Variants in AADACL2 observed in about 807,000 individuals in gnomAD.
The protein encoded by AADACL2 is arylacetamide deacetylase-like 2.
In AADACL2, 23 loss-of-function variants were observed where a neutral mutation model predicts 22.3. The observed-to-expected ratio is 1.03, with a 90% confidence interval of 0.74 to 1.46. The LOEUF is 1.46. Ranked by LOEUF, AADACL2 falls within the 40% of genes most tolerant of loss-of-function variation. AADACL2 has a pLI of 0.00. For synonymous variants in AADACL2, 177 were observed against 166.2 expected (o/e 1.07, Z -0.50); for missense variants, 472 against 482.9 (o/e 0.98, Z 0.21).
At chr3:151,741,361 T>C (rs999804525) in intron 2 of AADACL2, among the ~76,000 whole-genome samples, 8 of 152,124 alleles carry the variant, frequency 5.3e-5, no homozygotes, top group African/African-American at 1.9e-4. Context: ...AATAGTACTA[T>C]GTAATAATAA....
chr3:151,738,512 T>TGTATTTCCTGAATTTGAATGTTGGCCTG (rs1713168311), intron 1 of AADACL2, among the ~76,000 whole-genome samples: 1 of 152,222 alleles, frequency 6.6e-6, no homozygotes, highest in Admixed American at 6.5e-5. Context: ...TGGTGTTCTC[T>TGTATTTCCTGAATTTGAATGTTGGCCTG]GTATTTCCTG....
chr3:151,735,304 T>C (rs1053584971), intron 1 of AADACL2, among the ~76,000 whole-genome samples: 2 of 152,360 alleles, frequency 1.3e-5, no homozygotes, highest in Non-Finnish European at 2.9e-5. Context: ...TGAAGTATTA[T>C]TATTACTGTC....
chr3:151,751,244 T>C (rs1414941399), intron 4 of AADACL2, among the ~76,000 whole-genome samples: 1 of 152,196 alleles, frequency 6.6e-6, no homozygotes, highest in Non-Finnish European at 1.5e-5. Context: ...TAAAATTGCA[T>C]AGCAGTCTGG....
At chr3:151,735,362 A>G (rs561125368) in intron 1 of AADACL2, among the ~76,000 whole-genome samples, 64 of 152,354 alleles carry the variant, frequency 4.2e-4, no homozygotes, top group African/African-American at 1.4e-3. Context: ...CTCAATGTCT[A>G]TCAGCTAGTA....
At chr3:151,734,840 G>C (rs139301387) in intron 1 of AADACL2, among the ~76,000 whole-genome samples, 20 of 152,238 alleles carry the variant, frequency 1.3e-4, no homozygotes, top group African/African-American at 4.3e-4. Flanking sequence ...AAGAGATTGA[G>C]AAGAACATAT....
At chr3:151,755,935 G>T (rs1713884177) in intron 4 of AADACL2, among the ~76,000 whole-genome samples, 1 of 152,050 alleles carries the variant, frequency 6.6e-6, no homozygotes, top group African/African-American at 2.4e-5. Flanking sequence ...AGATAACTTT[G>T]TTTTGGCTCA....
chr3:151,751,289 T>C (rs907503348), intron 4 of AADACL2, among the ~76,000 whole-genome samples: 2 of 152,194 alleles, frequency 1.3e-5, no homozygotes, highest in Non-Finnish European at 2.9e-5. Flanking sequence ...TTGGGGAATG[T>C]AGAGATTCTG....
intron 4 of AADACL2, among the ~76,000 whole-genome samples, chr3:151,746,542 T>C (rs1713453771): frequency 6.6e-6 from 1 of 152,004 alleles, no homozygotes; most frequent in South Asian, 2.1e-4. Context: ...AGGAAATTTT[T>C]CAATATTTCA....
At chr3:151,743,781 C>T (rs575375692) in intron 2 of AADACL2, among the ~76,000 whole-genome samples, 18 of 152,022 alleles carry the variant, frequency 1.2e-4, no homozygotes, top group Non-Finnish European at 2.4e-4. Flanking sequence ...ACAAAGGGTC[C>T]TGGGAAGGGT....
intron 2 of AADACL2, among the ~76,000 whole-genome samples, chr3:151,743,489 A>C (rs993182165): frequency 1.1e-4 from 16 of 152,116 alleles, no homozygotes; most frequent in Admixed American, 7.9e-4. Flanking sequence ...GTCAAAACTC[A>C]TATGTATATC....
Position 151,760,603 on chromosome 3 carries a change from A to C in AADACL2, c.*3009A>C, listed in dbSNP as rs1040428992. On this transcript the variant is annotated 3_prime_UTR_variant, in exon 5 of 5. Transcript: ENST00000356517. ...TTCTGACACATATATCTAACATGTA[A>C]AGAAGTAACAATTTCCAAAATACCT... 5.3e-5 allele frequency: 8 copies of C among 152,286 alleles called. No homozygotes were observed. The highest frequency in any genetic ancestry group is 1.9e-4 in the African/African-American group (8 of 41,438). The allele number at this position is 152,286 out of a possible 1,614,324, so 9.4% of individuals were successfully genotyped here.
intron 4 of AADACL2, among the ~76,000 whole-genome samples, chr3:151,753,327 A>G (rs1713744477): frequency 6.6e-6 from 1 of 152,098 alleles, no homozygotes; most frequent in Admixed American, 6.6e-5. Context: ...ATAAAGTGGG[A>G]AGTGGGATTT....
Position 151,745,680 on chromosome 3 carries a change from G to A in AADACL2, c.603G>A (p.Gln201=), listed in dbSNP as rs1291569231. 1.3e-5 allele frequency: 20 copies of A among 1,584,644 alleles called. No homozygotes were observed. Among genetic ancestry groups the A allele is most frequent in the Admixed American group, 1.9e-5 (1 of 53,212 alleles). ...ATTTAGCAACAGCGGTCACTCAACA[G>A]GTACATTATATTTGTTTTTATGATA... ...GGNLATAVTQ[Q]VQNDAEIKHK... Residue 201 remains glutamine (Q), a splice_region_variant and synonymous_variant, in exon 4 of 5, where the codon CAG becomes CAA. Transcript: ENST00000356517.
chr3:151,747,397 A>G (rs1359488638), intron 4 of AADACL2, among the ~76,000 whole-genome samples: 1 of 151,926 alleles, frequency 6.6e-6, no homozygotes, highest in Non-Finnish European at 1.5e-5. Flanking sequence ...TGTTCTCCCC[A>G]TCTCCATCCC....
At chr3:151,737,272 G>A (rs1713117200) in intron 1 of AADACL2, among the ~76,000 whole-genome samples, 1 of 151,920 alleles carries the variant, frequency 6.6e-6, no homozygotes, top group African/African-American at 2.4e-5. Flanking sequence ...CTGAGATTTT[G>A]AGTGAGTTTC....
At chr3:151,737,838 CTA>C (rs1422259712) in intron 1 of AADACL2, among the ~76,000 whole-genome samples, 1 of 151,968 alleles carries the variant, frequency 6.6e-6, no homozygotes, top group African/African-American at 2.4e-5. Flanking sequence ...TATTTTGAGC[CTA>C]TGTGTGTCTT....
At chr3:151,736,901 C>T (rs1713107535) in intron 1 of AADACL2, among the ~76,000 whole-genome samples, 1 of 152,188 alleles carries the variant, frequency 6.6e-6, no homozygotes, top group African/African-American at 2.4e-5. Context: ...AATTGCCACA[C>T]TGTATTTCAC....
intron 4 of AADACL2, among the ~76,000 whole-genome samples, chr3:151,749,439 G>A (rs1007123896): frequency 2.6e-5 from 4 of 152,074 alleles, no homozygotes; most frequent in Non-Finnish European, 5.9e-5. Flanking sequence ...TTTTGGTAGA[G>A]TCTTAGGGTT....
chr3:151,749,049 T>C (rs1210622378), intron 4 of AADACL2, among the ~76,000 whole-genome samples: 1 of 152,180 alleles, frequency 6.6e-6, no homozygotes, highest in Non-Finnish European at 1.5e-5. Context: ...TCCATATTAA[T>C]TTTCTATTTC....
Sources: allele counts gnomAD v4.1 joint callset (sites outside exome capture counted in the v4.1 genomes callset), GRCh38; gene constraint gnomAD v4.1.1; transcripts MANE v1.5; gene names NCBI Gene and HGNC (gene_info 2026-07-23, HGNC 2026-07-21).